The following ELAC2 variants were observed in gnomAD, a reference collection of about 807,000 sequenced individuals.
ELAC2 encodes elaC ribonuclease Z 2, also known as zinc phosphodiesterase ELAC protein 2.
In ELAC2, 92 loss-of-function variants were observed where a neutral mutation model predicts 105.2. The ratio of observed to expected loss-of-function variants is 0.87; its 90% CI spans 0.74 to 1.04. The LOEUF is 1.04. Among genes scored for constraint, ELAC2 ranks in the 50% least tolerant of loss-of-function variants. ELAC2 has a pLI of 0.00. For synonymous variants in ELAC2, 468 were observed against 409.1 expected, an observed-to-expected ratio of 1.14 and a Z score of -1.74; for missense variants, 1,099 against 1,071.7, an observed-to-expected ratio of 1.03 and a Z score of -0.36.
In ELAC2 at chr17:12,991,764, CGCTT is replaced by C. The variant is rs995591735; in HGVS notation, c.*1050_*1053del. ...AAAGCCAGGTCCCTGGCTGATCTCT[CGCTT>C]GCTTGTCTTTTGAGTTTTTAAAGCT... On this transcript the variant is annotated 3_prime_UTR_variant, in exon 24 of 24. Transcript: ENST00000338034. The C allele has an allele frequency of 1.1e-4, 24 of 213,038 alleles. No individual in the cohort carries two copies. Among genetic ancestry groups the C allele is most frequent in the African/African-American group, 3.9e-4 (17 of 44,060 alleles). The allele number at this position is 213,038 out of a possible 1,614,324, so 13.2% of individuals were successfully genotyped here.
In ELAC2 at chr17:13,002,274, C is replaced by T; in HGVS notation, c.1304G>A (p.Arg435Lys). 2 of 1,614,138 alleles carry T rather than the reference C, an allele frequency of 1.2e-6. No individual in the cohort carries two copies. The highest frequency in any genetic ancestry group is 1.7e-6 in the Non-Finnish European group (2 of 1,180,036). The stretch of plus-strand genomic sequence containing the variant: ...TCCATTAGTTCAAGATGGCACAGAC[C>T]TCTGCCACTCCCTCCTGGGACGGAG... Reference protein sequence around the residue: ...YQLRPRREWQRDAIITCNPEE... With the variant: ...YQLRPRREWQKDAIITCNPEE... Residue 435 changes from arginine (R) to lysine (K), a missense_variant and splice_region_variant, in exon 14 of 24, where the codon AGG (arginine) becomes AAG (lysine). Physicochemically the swap from Arg to Lys is conservative, Grantham distance 26. Coordinates refer to ENST00000338034, the MANE Select transcript of ELAC2 (RefSeq NM_018127.7).
rs905840957 is a variant in ELAC2 at position 13,005,268 on chromosome 17, G to A, written c.871-167C>T. 1.7e-4 allele frequency among the ~76,000 whole-genome samples: 25 copies of A among 144,532 alleles called. 1 individual carries two copies. The highest frequency in any genetic ancestry group is 3.7e-3 in the Middle Eastern group (1 of 272). The allele number at this position is 144,532 out of a possible 152,430, so 94.8% of individuals were successfully genotyped here. A position where few individuals can be genotyped will look rare whatever the true frequency, so the allele number is the denominator to read the frequency against. The stretch of plus-strand genomic sequence containing the variant: ...CCATCAACACCCTTCTGGTCTCTTT[G>A]TGGATACCTAAACAGGTAACTGTCA... On this transcript the variant is annotated intron_variant, in intron 10 of 23. Transcript: ENST00000338034.
Position 13,004,997 on chromosome 17 carries a change from G to C in ELAC2, c.975C>G (p.Thr325=), listed in dbSNP as rs763255158. 3.1e-6 allele frequency: 5 copies of C among 1,613,180 alleles called. No homozygotes were observed. In the Admixed American group the frequency reaches 6.7e-5, roughly 22 times the overall value. The change falls in exon 11 of 24, where the codon ACC becomes ACG. Residue 325 remains threonine, a synonymous_variant. Transcript: ENST00000338034. ...SFIQPICENA[T]FQRYQGKADA... is the part of the protein sequence containing the mutation. ...TAGAGACCCCTCATTACCTCTGAAA[G>C]GTGGCATTCTCACAGATGGGTTGAA...
chr17:13,005,105 C>T lies in ELAC2; in HGVS notation c.871-4G>A, dbSNP rs1222968026. On this transcript the variant is annotated splice_region_variant and splice_polypyrimidine_tract_variant and intron_variant, in intron 10 of 23. Transcript: ENST00000338034. ...TACACAGCTCTTCAGCCAAAATCTG[C>T]AAAACCAAATAAGCCCGCCCACTGG... 4.3e-6 allele frequency: 7 copies of T among 1,611,922 alleles called. No individual in the cohort carries two copies. Among genetic ancestry groups the T allele is most frequent in the South Asian group, 3.3e-5 (3 of 91,046 alleles).
chr17:13,003,468 G>A lies in ELAC2; in HGVS notation c.1079+11C>T. 1 of 1,613,586 alleles carries A rather than the reference G, an allele frequency of 6.2e-7. No homozygotes were observed. The highest frequency in any genetic ancestry group is 8.5e-7 in the Non-Finnish European group (1 of 1,179,494). ...GAGTTACCCCAAGTGCCGCTGGGCTGGGCTCCATACCTCTCCATCCACTGC... is the reference window on the plus strand; with the variant it reads ...GAGTTACCCCAAGTGCCGCTGGGCTAGGCTCCATACCTCTCCATCCACTGC... On this transcript the variant is annotated intron_variant, in intron 12 of 23. Transcript: ENST00000338034.
rs1480287296 is a variant in ELAC2, at chr17:12,991,650, C to T, written c.*1168G>A. On this transcript the variant is annotated 3_prime_UTR_variant, in exon 24 of 24. Transcript: ENST00000338034. ...ATAGATTTATTATCCCTGAGCTTGGCATCTGTTCTTGCTTTAATAAACCTG... is the reference window on the plus strand; with the variant it reads ...ATAGATTTATTATCCCTGAGCTTGGTATCTGTTCTTGCTTTAATAAACCTG... The T allele has an allele frequency of 1.0e-5, 2 of 194,680 alleles. No individual in the cohort carries two copies. Among genetic ancestry groups the T allele is most frequent in the Non-Finnish European group, 2.1e-5 (2 of 93,184 alleles). The allele number at this position is 194,680 out of a possible 1,614,324, so 12.1% of individuals were successfully genotyped here. A position where few individuals can be genotyped will look rare whatever the true frequency, so the allele number is the denominator to read the frequency against.
chr17:12,992,745 A>G lies in ELAC2; in HGVS notation c.*73T>C. On this transcript the variant is annotated 3_prime_UTR_variant, in exon 24 of 24. Transcript: ENST00000338034. ...ACCGTGCTCTTCAGCTTCTACCAGCAAGGAGGGCAGATACGGGTGCGTGCG... is the reference window on the plus strand; with the variant it reads ...ACCGTGCTCTTCAGCTTCTACCAGCGAGGAGGGCAGATACGGGTGCGTGCG... The G allele has an allele frequency of 6.4e-7, 1 of 1,565,266 alleles. No homozygotes were observed. Among genetic ancestry groups the G allele is most frequent in the Non-Finnish European group, 8.8e-7 (1 of 1,139,066 alleles).
intron 14 of ELAC2, among the ~76,000 whole-genome samples, chr17:13,001,996 C>T (rs1366644446): frequency 6.6e-6 from 1 of 152,194 alleles, no homozygotes; most frequent in Non-Finnish European, 1.5e-5. Context: ...TATTCCCATG[C>T]AAGGCAATTT....
intron 16 of ELAC2, 130 bp downstream of exon 16, chr17:12,998,282 A>G (rs1046620656): frequency 1.8e-5 from 16 of 900,064 alleles, no homozygotes; most frequent in African/African-American, 5.0e-5. Flanking sequence ...TCTCCTGGAC[A>G]CTCCAGTCGA....
At chr17:13,014,126 T>C (rs1256629592) in intron 5 of ELAC2, among the ~76,000 whole-genome samples, 2 of 152,006 alleles carry the variant, frequency 1.3e-5, no homozygotes, top group African/African-American at 4.8e-5. Context: ...ACCCCGTCTC[T>C]ACTAAAAATA....
intron 8 of ELAC2, among the ~76,000 whole-genome samples, chr17:13,010,161 T>G (rs1481876673): frequency 6.7e-6 from 1 of 149,314 alleles, no homozygotes; most frequent in African/African-American, 2.5e-5. Flanking sequence ...TCATTGCCAG[T>G]GTCATTTCTA....
Position 12,995,827 on chromosome 17 carries a change from G to GC in ELAC2, c.1699-16dup. 1 of 1,603,934 alleles carries GC rather than the reference G, an allele frequency of 6.2e-7. No homozygotes were observed. On this transcript the variant is annotated splice_polypyrimidine_tract_variant and intron_variant, in intron 18 of 23. Transcript: ENST00000338034. ...CCCAAAGATGCCTGGAACAAAAAAT[G>GC]CAAGTGCCGACTCGACGACAGAACA...
rs200827637 is a variant in ELAC2 at position 12,992,948 on chromosome 17, T to G, written c.2351A>C (p.Lys784Thr). The change falls in exon 24 of 24, where the codon AAG (lysine) becomes ACG (threonine). Residue 784 changes from lysine (K) to threonine (T), a missense_variant. By Grantham distance (78) the Lys-to-Thr change is moderately conservative. Coordinates refer to ENST00000338034, the MANE Select transcript of ELAC2 (RefSeq NM_018127.7). Reference protein sequence around the residue: ...DIEEMEERREKRELRQVRAAL... With the variant: ...DIEEMEERRETRELRQVRAAL... ...CGCCCGCACCTGCCGCAGCTCCCGC[T>G]TCTCCCTGCGCTCCTCCATCTCCTC... The G allele has an allele frequency of 6.2e-7, 1 of 1,611,378 alleles. No homozygotes were observed. The highest frequency in any genetic ancestry group is 2.2e-5 in the East Asian group (1 of 44,866).
intron 17 of ELAC2, 150 bp from the exon 18 acceptor site, chr17:12,996,128 G>A (rs1446874270): frequency 2.4e-6 from 2 of 844,760 alleles, no homozygotes; most frequent in Non-Finnish European, 3.8e-6. Flanking sequence ...CACAGGCCGA[G>A]CCCCCTGCGC....
chr17:13,010,465 G>C, intron 8 of ELAC2, 148 bp downstream of exon 8: 1 of 750,768 alleles, frequency 1.3e-6, no homozygotes, highest in African/African-American at 1.7e-5. Context: ...CACTGCACCC[G>C]GCCTTCCATC....
At chr17:13,006,858 A>G (rs896123324) in intron 8 of ELAC2, among the ~76,000 whole-genome samples, 2 of 152,204 alleles carry the variant, frequency 1.3e-5, no homozygotes, top group South Asian at 4.1e-4. Context: ...ACAGCGGCTC[A>G]TGCCTGTAAT....
At chr17:13,005,884 C>T (rs2041079852) in intron 9 of ELAC2, 37 bp downstream of exon 9, 5 of 1,614,022 alleles carry the variant, frequency 3.1e-6, no homozygotes, top group Non-Finnish European at 4.2e-6. Flanking sequence ...ACAGGTGTAC[C>T]CAGTGAGTCC....
In ELAC2 at chr17:12,994,792, G is replaced by T. The variant is rs2040384482; in HGVS notation, c.2001C>A (p.Thr667=). Residue 667 remains threonine (T), a synonymous_variant, in exon 21 of 24, where the codon ACC becomes ACA. Coordinates refer to ENST00000338034, the MANE Select transcript of ELAC2 (RefSeq NM_018127.7). ...TCCGGACCAGAGCCTCGCAGGGCAT[G>T]GTGTCCCCGGAATAGACCACTTTCC... ...SGWKVVYSGD[T]MPCEALVRMG... 6.2e-7 allele frequency: 1 copy of T among 1,613,862 alleles called. No individual in the cohort carries two copies. The highest frequency in any genetic ancestry group is 1.3e-5 in the African/African-American group (1 of 74,930).
chr17:13,013,071 C>T lies in ELAC2; in HGVS notation c.559+136G>A, dbSNP rs74886662. 105,007 of 981,734 alleles carry T rather than the reference C, an allele frequency of 0.11. 6,507 individuals carry two copies. The highest frequency in any genetic ancestry group is 0.2 in the Middle Eastern group (968 of 4,818). The allele number at this position is 981,734 out of a possible 1,614,324, so 60.8% of individuals were successfully genotyped here. Reference sequence around the variant, plus strand: ...CAGGGCAGGAGCCATATCTTCATTCCTCAACTAAATTTTCTAATCATGCTC... The same window carrying T: ...CAGGGCAGGAGCCATATCTTCATTCTTCAACTAAATTTTCTAATCATGCTC... On this transcript the variant is annotated intron_variant, in intron 6 of 23. Coordinates refer to ENST00000338034, the MANE Select transcript of ELAC2 (RefSeq NM_018127.7).
Sources: gnomAD v4.1 joint callset for allele counts (sites outside exome capture counted in the v4.1 genomes callset) on GRCh38, gnomAD v4.1.1 for gene constraint, MANE v1.5 for transcripts, NCBI Gene and HGNC (gene_info 2026-07-23, HGNC 2026-07-21) for gene names.